Variants in KALRN observed in about 807,000 individuals in gnomAD.
KALRN encodes the protein kalirin RhoGEF kinase, also known as kalirin.
Under a neutral mutation model 353.7 loss-of-function variants are expected in KALRN, and 70 were observed. That is an observed-to-expected ratio of 0.20 (90% CI 0.16 to 0.24). KALRN has a LOEUF of 0.24. KALRN is among the 10% of genes least tolerant of loss of function. The pLI, the probability that KALRN is intolerant of heterozygous loss-of-function variation, is 1.00. For missense variants in KALRN, 2,791 were observed against 3,756.7 expected (o/e 0.74, Z 6.72); for synonymous variants, 1,391 against 1,434.8 (o/e 0.97, Z 0.69).
intron 34 of KALRN, among the ~76,000 whole-genome samples, chr3:124,575,017 G>A (rs2073950847): frequency 6.6e-6 from 1 of 152,228 alleles, no homozygotes; most frequent in East Asian, 1.9e-4. Flanking sequence ...ATGTGGGGGT[G>A]AAACTGCAGC....
chr3:124,705,191 A>T (rs2150722274), intron 57 of KALRN, among the ~76,000 whole-genome samples: 1 of 152,334 alleles, frequency 6.6e-6, no homozygotes, highest in Admixed American at 6.5e-5. Context: ...AGGTAGCAGT[A>T]CCAGGCCTCC....
At chr3:124,265,321 G>T (rs560982671) in intron 4 of KALRN, among the ~76,000 whole-genome samples, 1 of 28,234 alleles carries the variant, frequency 3.5e-5, no homozygotes. Context: ...TTGAGATAGA[G>T]TCTCACTCTG....
chr3:124,410,527 G>A lies in KALRN; in HGVS notation c.2347-2943G>A, dbSNP rs570115996. Among the ~76,000 whole-genome samples, 9 of 152,244 alleles carry A rather than the reference G, an allele frequency of 5.9e-5. No individual in the cohort carries two copies. In the South Asian group the frequency reaches 6.2e-4, roughly 11 times the overall value. ...TAATTAACTCAGTATTTTAAAAAGGGCAGAAGACTTGAAAAGACATCTTAC... is the reference window on the plus strand; with the variant it reads ...TAATTAACTCAGTATTTTAAAAAGGACAGAAGACTTGAAAAGACATCTTAC... On this transcript the variant is annotated intron_variant, in intron 13 of 59. Transcript: ENST00000682506.
chr3:124,327,539 A>G (rs925330818), intron 7 of KALRN, among the ~76,000 whole-genome samples: 3 of 152,230 alleles, frequency 2.0e-5, no homozygotes, highest in East Asian at 1.9e-4. Flanking sequence ...TACATTCTTT[A>G]TATCAGTAGG....
chr3:124,412,633 A>G (rs1354870330), intron 13 of KALRN, among the ~76,000 whole-genome samples: 1 of 152,258 alleles, frequency 6.6e-6, no homozygotes, highest in Non-Finnish European at 1.5e-5. Context: ...CAGTGAAGTC[A>G]TGTGAGTTAA....
intron 33 of KALRN, among the ~76,000 whole-genome samples, chr3:124,549,649 CCTT>C (rs2070220652): frequency 6.6e-6 from 1 of 151,908 alleles, no homozygotes; most frequent in African/African-American, 2.4e-5. Context: ...CAAAATATGT[CCTT>C]CTCACCGCTT....
At chr3:124,198,503 C>T (rs2075654425) in intron 1 of KALRN, among the ~76,000 whole-genome samples, 1 of 152,166 alleles carries the variant, frequency 6.6e-6, no homozygotes, top group African/African-American at 2.4e-5. Flanking sequence ...AATTTGTGTT[C>T]TCACTGTTGC....
intron 34 of KALRN, among the ~76,000 whole-genome samples, chr3:124,612,103 C>A (rs1191983870): frequency 1.3e-5 from 2 of 152,254 alleles, no homozygotes; most frequent in African/African-American, 2.4e-5. Flanking sequence ...CAGCTTACTG[C>A]AGCCTCTGCC....
At chr3:124,532,988 A>G (rs1350751777) in intron 33 of KALRN, among the ~76,000 whole-genome samples, 1 of 148,910 alleles carries the variant, frequency 6.7e-6, no homozygotes, top group Non-Finnish European at 1.5e-5. Flanking sequence ...ATTGGAAAAA[A>G]ACATATTTAT....
chr3:124,525,571 G>A (rs909409143), intron 33 of KALRN, among the ~76,000 whole-genome samples: 5 of 152,204 alleles, frequency 3.3e-5, no homozygotes, highest in African/African-American at 1.2e-4. Context: ...AGCACTCTGA[G>A]TGTTGCTCTG....
chr3:124,136,821 G>A (rs922770828), intron 1 of KALRN, among the ~76,000 whole-genome samples: 7 of 152,212 alleles, frequency 4.6e-5, no homozygotes, highest in African/African-American at 1.7e-4. Context: ...GCATGTACCA[G>A]AGTGTTTGTT....
chr3:124,685,965 C>G (rs756632943), intron 51 of KALRN, among the ~76,000 whole-genome samples: 30 of 151,966 alleles, frequency 2.0e-4, no homozygotes, highest in Non-Finnish European at 1.8e-4. Context: ...TCAAAGTTCA[C>G]TCAGCGTGAG....
intron 33 of KALRN, among the ~76,000 whole-genome samples, chr3:124,506,404 C>T (rs2065234967): frequency 1.3e-5 from 2 of 152,194 alleles, no homozygotes; most frequent in South Asian, 4.1e-4. Flanking sequence ...TGTTTTCAGT[C>T]TCTCCCATTT....
At chr3:124,207,670 T>A (rs1822790) in intron 1 of KALRN, among the ~76,000 whole-genome samples, 2 of 152,160 alleles carry the variant, frequency 1.3e-5, no homozygotes, top group African/African-American at 4.8e-5. Context: ...TTGGGTGCAT[T>A]ATTTGCTTTC....
intron 33 of KALRN, among the ~76,000 whole-genome samples, chr3:124,555,107 C>G (rs1438047987): frequency 6.6e-6 from 1 of 152,122 alleles, no homozygotes; most frequent in Admixed American, 6.5e-5. Flanking sequence ...ATCCTCAGTG[C>G]CGTCTGGTGC....
intron 33 of KALRN, among the ~76,000 whole-genome samples, chr3:124,535,285 A>T (rs989742152): frequency 1.3e-5 from 2 of 152,100 alleles, no homozygotes; most frequent in African/African-American, 2.4e-5. Flanking sequence ...TGCTCACAAA[A>T]CTCAGTCATC....
At chr3:124,640,146 G>A (rs1206507085) in intron 37 of KALRN, among the ~76,000 whole-genome samples, 1 of 152,180 alleles carries the variant, frequency 6.6e-6, no homozygotes, top group Non-Finnish European at 1.5e-5. Context: ...CTGTGTGATA[G>A]CTGCGAAGAT....
chr3:124,452,969 C>T (rs979689460), intron 21 of KALRN, among the ~76,000 whole-genome samples: 1 of 152,110 alleles, frequency 6.6e-6, no homozygotes, highest in Non-Finnish European at 1.5e-5. Flanking sequence ...TTTCCATAAA[C>T]ACATGGTCTC....
chr3:124,201,794 T>C (rs1210340007), intron 1 of KALRN, among the ~76,000 whole-genome samples: 2 of 152,222 alleles, frequency 1.3e-5, no homozygotes, highest in Non-Finnish European at 2.9e-5. Flanking sequence ...TGAGGACTTA[T>C]AAATTAAGTC....
Sources: gnomAD v4.1 joint callset for allele counts (sites outside exome capture counted in the v4.1 genomes callset) on GRCh38, gnomAD v4.1.1 for gene constraint, MANE v1.5 for transcripts, NCBI Gene and HGNC (gene_info 2026-07-23, HGNC 2026-07-21) for gene names.